RABGAP1L: variants seen among roughly 807,000 people sequenced by gnomAD.
RABGAP1L encodes the protein rab GTPase-activating protein 1-like.
Under a neutral mutation model 137.7 loss-of-function variants are expected in RABGAP1L, and 63 were observed. The observed-to-expected ratio is 0.46, with a 90% CI of 0.37 to 0.56. RABGAP1L has a LOEUF of 0.56. RABGAP1L is among the 20% of genes least tolerant of loss of function. The probability of loss-of-function intolerance (pLI) is 0.00; values close to 1 mark genes in which losing one functional copy is unlikely to be tolerated. For synonymous variants in RABGAP1L, 431 were observed against 433.7 expected (o/e 0.99, Z 0.08); for missense variants, 1,095 against 1,244.0 (o/e 0.88, Z 1.80).
intron 10 of RABGAP1L, among the ~76,000 whole-genome samples, chr1:174,292,607 C>T (rs1676736508): frequency 6.6e-6 from 1 of 151,886 alleles, no homozygotes; most frequent in Admixed American, 6.6e-5. Context: ...ATTTTGGTCA[C>T]AGAGTATACT....
intron 13 of RABGAP1L, among the ~76,000 whole-genome samples, chr1:174,397,474 G>A (rs570507004): frequency 3.3e-5 from 5 of 152,228 alleles, no homozygotes; most frequent in African/African-American, 7.2e-5. Context: ...TCTCTGGACT[G>A]TAGCTGTGGT....
chr1:174,543,152 T>G (rs1665637829), intron 13 of RABGAP1L, among the ~76,000 whole-genome samples: 1 of 152,200 alleles, frequency 6.6e-6, no homozygotes, highest in Non-Finnish European at 1.5e-5. Context: ...ATATCCTTGT[T>G]AACTTTCTGT....
intron 17 of RABGAP1L, chr1:174,705,586 C>T (rs561800873): frequency 2.0e-5 from 3 of 152,120 alleles, no homozygotes; most frequent in Admixed American, 6.5e-5. Flanking sequence ...TCATGATGTT[C>T]GGGGAAGTAA....
chr1:174,761,647 G>A lies in RABGAP1L; in HGVS notation c.2211+9293G>A, dbSNP rs73026480. Among the ~76,000 whole-genome samples, 942 of 152,286 alleles carry A rather than the reference G, an allele frequency of 6.2e-3. 12 individuals carry two copies. Among genetic ancestry groups the A allele is most frequent in the African/African-American group, 0.021 (888 of 41,554 alleles). On this transcript the variant is annotated intron_variant, in intron 18 of 25. Transcript: ENST00000681986. The surrounding 1 kb of genome is among the most constrained non-coding windows in gnomAD (Gnocchi z 4.0). The stretch of plus-strand genomic sequence containing the variant: ...CCCAGACGGAGACAGTGTGGGGGCC[G>A]GACAAGGGCCGAACAGAGGCATTCC...
At chr1:174,574,794 G>A (rs1021600974) in intron 13 of RABGAP1L, among the ~76,000 whole-genome samples, 3 of 152,106 alleles carry the variant, frequency 2.0e-5, no homozygotes, top group African/African-American at 7.2e-5. Flanking sequence ...TACCTAAATG[G>A]CACAAACAGA....
At position 174,949,173 on chromosome 1, in the gene RABGAP1L, C is replaced by G. The variant is rs536292244; in HGVS notation, c.2341-8284C>G. Among the ~76,000 whole-genome samples the G allele has an allele frequency of 2.6e-5, 4 of 152,194 alleles. No individual in the cohort carries two copies. In the South Asian group the frequency reaches 8.3e-4, roughly 32 times the overall value. On this transcript the variant is annotated intron_variant, in intron 19 of 25. Transcript: ENST00000681986. ...TAGATAGAGACTAGATTCTGTAGGA[C>G]CAGCAGAGCCAAGTATTTCTCTATC...
chr1:174,378,788 T>G (rs1685827151), intron 12 of RABGAP1L, among the ~76,000 whole-genome samples: 1 of 137,920 alleles, frequency 7.3e-6, no homozygotes, highest in Non-Finnish European at 1.6e-5. Flanking sequence ...CTCTTTAGTT[T>G]AATTAGATCC....
chr1:174,965,708 C>T (rs556820455), intron 20 of RABGAP1L, among the ~76,000 whole-genome samples: 5 of 152,302 alleles, frequency 3.3e-5, no homozygotes, highest in South Asian at 2.1e-4. Flanking sequence ...TTTTTGGCCC[C>T]GTAGCTTGCT....
At chr1:174,833,598 C>T (rs1298240479) in intron 19 of RABGAP1L, among the ~76,000 whole-genome samples, 1 of 150,326 alleles carries the variant, frequency 6.7e-6, no homozygotes, top group Non-Finnish European at 1.5e-5. Flanking sequence ...TTTAAGACTA[C>T]TCTAGTGCAG....
intron 1 of RABGAP1L, among the ~76,000 whole-genome samples, chr1:174,206,634 G>A (rs1668520976): frequency 1.3e-5 from 2 of 152,092 alleles, no homozygotes; most frequent in Admixed American, 6.6e-5. Flanking sequence ...ACTTGAAAAT[G>A]AGTAGGCACA....
chr1:174,421,616 C>G (rs1215466001), intron 13 of RABGAP1L, among the ~76,000 whole-genome samples: 1 of 152,172 alleles, frequency 6.6e-6, no homozygotes, highest in South Asian at 2.1e-4. Context: ...TGAACATTCT[C>G]TATTTTGCCT....
intron 13 of RABGAP1L, among the ~76,000 whole-genome samples, chr1:174,619,455 A>G (rs1672234436): frequency 6.6e-6 from 1 of 151,306 alleles, no homozygotes; most frequent in Admixed American, 6.6e-5. Flanking sequence ...CAGAAAGTCT[A>G]CAAGCCAGAA....
intron 20 of RABGAP1L, among the ~76,000 whole-genome samples, chr1:174,960,979 A>G (rs929102385): frequency 8.5e-5 from 13 of 152,218 alleles, no homozygotes; most frequent in African/African-American, 1.7e-4. Context: ...ATCAGTTTAT[A>G]TTTTAAACTC....
At chr1:174,199,319 T>C (rs1667936204) in intron 1 of RABGAP1L, among the ~76,000 whole-genome samples, 1 of 152,054 alleles carries the variant, frequency 6.6e-6, no homozygotes, top group Admixed American at 6.6e-5. Context: ...TAAGACAGGG[T>C]CTCGCTCTAC....
chr1:174,777,280 T>C (rs1046731035), intron 18 of RABGAP1L, among the ~76,000 whole-genome samples: 4 of 152,240 alleles, frequency 2.6e-5, no homozygotes, highest in Non-Finnish European at 4.4e-5. Flanking sequence ...CACAGACTTG[T>C]GTTCTTTTCA....
At chr1:174,576,105 G>A (rs532893444) in intron 13 of RABGAP1L, among the ~76,000 whole-genome samples, 8 of 152,272 alleles carry the variant, frequency 5.3e-5, no homozygotes, top group African/African-American at 1.9e-4. Flanking sequence ...CCTATGATCA[G>A]CAAGATATTA....
intron 13 of RABGAP1L, among the ~76,000 whole-genome samples, chr1:174,492,788 C>G (rs185382993): frequency 6.6e-6 from 1 of 152,124 alleles, no homozygotes; most frequent in East Asian, 1.9e-4. Flanking sequence ...TGAATAAGTC[C>G]TACGGATTTT....
chr1:174,248,397 G>A (rs1672438682), intron 5 of RABGAP1L, among the ~76,000 whole-genome samples: 1 of 152,168 alleles, frequency 6.6e-6, no homozygotes, highest in African/African-American at 2.4e-5. Context: ...GTTCTTATTA[G>A]CATCAATCTT....
chr1:174,968,657 CA>C (rs974966836), intron 20 of RABGAP1L, among the ~76,000 whole-genome samples: 1 of 151,382 alleles, frequency 6.6e-6, no homozygotes, highest in Non-Finnish European at 1.5e-5. Context: ...TTTTAAAAAA[CA>C]AAAAAACTAG....
Sources: gnomAD v4.1 joint callset for allele counts (sites outside exome capture counted in the v4.1 genomes callset) on GRCh38, gnomAD v4.1.1 for gene constraint, Gnocchi (gnomAD v3.1) non-coding constraint, MANE v1.5 for transcripts, NCBI Gene and HGNC (gene_info 2026-07-23, HGNC 2026-07-21) for gene names.